Variants in TUBB6 observed in about 807,000 individuals in gnomAD.
The protein encoded by TUBB6 is tubulin beta-6 chain.
Under a neutral mutation model 32.3 loss-of-function variants are expected in TUBB6, and 18 were observed. The observed-to-expected ratio is 0.56, with a 90% CI of 0.39 to 0.83. The LOEUF (loss-of-function observed/expected upper bound fraction) is 0.83. Ranked by LOEUF, TUBB6 falls within the 40% of genes least tolerant of loss-of-function variation. The probability of loss-of-function intolerance (pLI) is 0.00; values close to 1 mark genes in which losing one functional copy is unlikely to be tolerated. For synonymous variants in TUBB6, 280 were observed against 265.8 expected (o/e 1.05, Z -0.52); for missense variants, 480 against 632.0 (o/e 0.76, Z 2.58).
intron 3 of TUBB6, among the ~76,000 whole-genome samples, chr18:12,317,127 G>A (rs1289128255): frequency 4.7e-5 from 7 of 149,914 alleles, no homozygotes; most frequent in African/African-American, 1.5e-4. Context: ...TTGCACTGCA[G>A]CCTGGGTGAT....
At position 12,308,776 on chromosome 18, in the gene TUBB6, C is replaced by G. The variant is rs193238414; in HGVS notation, c.147C>G (p.Val49=). The G allele has an allele frequency of 6.2e-7, 1 of 1,609,868 alleles. No homozygotes were observed. The highest frequency in any genetic ancestry group is 1.3e-5 in the African/African-American group (1 of 74,934). Residue 49 remains valine, a synonymous_variant, in exon 2 of 4, where the codon GTC becomes GTG. Coordinates refer to ENST00000317702, the MANE Select transcript of TUBB6 (RefSeq NM_032525.3). ...CGCTGCAGCTGGAGAGAATCAACGT[C>G]TACTACAATGAGTCATCGTGTGAGT... ...DSALQLERIN[V]YYNESSSQKY...
At chr18:12,322,922 CAGA>C (rs1230785593) in intron 3 of TUBB6, among the ~76,000 whole-genome samples, 2 of 152,030 alleles carry the variant, frequency 1.3e-5, no homozygotes, top group African/African-American at 2.4e-5. Flanking sequence ...ATACATTTAA[CAGA>C]AGAAGAGTTT....
chr18:12,316,712 A>G (rs1029699252), intron 3 of TUBB6, among the ~76,000 whole-genome samples: 1 of 152,226 alleles, frequency 6.6e-6, no homozygotes, highest in Non-Finnish European at 1.5e-5. Flanking sequence ...GTCGTTCTCC[A>G]GTAAAAGAGG....
chr18:12,325,132 G>A lies in TUBB6; in HGVS notation c.343G>A (p.Ala115Thr). The A allele has an allele frequency of 6.2e-7, 1 of 1,608,264 alleles. No homozygotes were observed. The highest frequency in any genetic ancestry group is 8.5e-7 in the Non-Finnish European group (1 of 1,176,082). ...HYTEGAELVD[A>T]VLDVVRKECE... The stretch of plus-strand genomic sequence containing the variant: ...CACGGAGGGCGCGGAGCTGGTGGAC[G>A]CAGTGCTGGACGTGGTGCGGAAGGA... The change falls in exon 4 of 4, where the codon GCA becomes ACA. Residue 115 changes from alanine (A) to threonine (T), a missense_variant. By Grantham distance (58) the Ala-to-Thr change is moderately conservative. Coordinates refer to ENST00000317702, the MANE Select transcript of TUBB6 (RefSeq NM_032525.3).
rs190064917 is a variant in TUBB6 at position 12,323,546 on chromosome 18, A to G, written c.278-1521A>G. Among the ~76,000 whole-genome samples, 1,213 of 152,242 alleles carry G rather than the reference A, an allele frequency of 8.0e-3. 17 individuals are homozygous for G. Among genetic ancestry groups the G allele is most frequent in the African/African-American group, 0.027 (1,141 of 41,524 alleles). ...TTATGGGGCTGGCCCGGTGGCTCACACCTGTAATCCCAGCACTTTGGGAGG... is the reference window on the plus strand; with the variant it reads ...TTATGGGGCTGGCCCGGTGGCTCACGCCTGTAATCCCAGCACTTTGGGAGG... On this transcript the variant is annotated intron_variant, in intron 3 of 3. Transcript: ENST00000317702.
chr18:12,310,812 C>A, intron 2 of TUBB6, 131 bp from the exon 3 acceptor site: 1 of 585,878 alleles, frequency 1.7e-6, no homozygotes. Context: ...TAAGAAAGTT[C>A]CTGTACCCTT....
At chr18:12,329,176 A>C (rs1158515268), downstream of TUBB6, 3 of 703,048 alleles carry the variant, frequency 4.3e-6, no homozygotes, top group Non-Finnish European at 7.8e-6. Flanking sequence ...GAGGAGAAAC[A>C]GGAATGAAGA....
downstream of TUBB6, chr18:12,329,352 T>C (rs1907438646): frequency 1.5e-5 from 10 of 672,090 alleles, no homozygotes; most frequent in Non-Finnish European, 2.4e-5. Flanking sequence ...TATGGGACAG[T>C]GTGCATTTCC....
intron 1 of TUBB6, 141 bp from the exon 2 acceptor site, chr18:12,308,546 C>T: frequency 2.6e-6 from 2 of 763,026 alleles, no homozygotes; most frequent in Non-Finnish European, 4.2e-6. Context: ...TCGCTCCCCA[C>T]CCCCATCCCA....
Position 12,325,924 on chromosome 18 carries a change from A to T in TUBB6, c.1135A>T (p.Lys379Ter), listed in dbSNP as rs370077707. ...CAGCACGGCCATCCAGGAGCTGTTC[A>T]AGCGCATCTCCGAGCAGTTCTCAGC... ...GNSTAIQELFKRISEQFSAMF... is the reference protein window; with the variant it reads ...GNSTAIQELF Residue 379 changes from lysine (K) to a stop codon, truncating the protein, a stop_gained, in exon 4 of 4, where the codon AAG becomes TAG. Transcript: ENST00000317702. LOFTEE classifies it high-confidence loss of function. 6.2e-7 allele frequency: 1 copy of T among 1,613,930 alleles called. No individual in the cohort carries two copies. Among genetic ancestry groups the T allele is most frequent in the Non-Finnish European group, 8.5e-7 (1 of 1,180,050 alleles).
At chr18:12,320,085 G>A (rs1038432067) in intron 3 of TUBB6, among the ~76,000 whole-genome samples, 1 of 151,674 alleles carries the variant, frequency 6.6e-6, no homozygotes, top group Non-Finnish European at 1.5e-5. Context: ...ACCGTGCCCA[G>A]CCAAAAAAAT....
intron 3 of TUBB6, among the ~76,000 whole-genome samples, chr18:12,312,703 G>T (rs1230625346): frequency 6.6e-6 from 1 of 151,978 alleles, no homozygotes; most frequent in Non-Finnish European, 1.5e-5. Context: ...TTTTAAAAAA[G>T]ATTAAAGTTT....
Position 12,325,055 on chromosome 18 carries a change from T to C in TUBB6, c.278-12T>C, listed in dbSNP as rs1464737219. Reference sequence around the variant, plus strand: ...TTCCTGTTTAAACGGCACGGGACTCTCTTTGTTGCAGGCCAGACGGGTGCA... The same window carrying C: ...TTCCTGTTTAAACGGCACGGGACTCCCTTTGTTGCAGGCCAGACGGGTGCA... On this transcript the variant is annotated splice_polypyrimidine_tract_variant and intron_variant, in intron 3 of 3. Transcript: ENST00000317702. 1.3e-6 allele frequency: 2 copies of C among 1,556,732 alleles called. No individual in the cohort carries two copies. Among genetic ancestry groups the C allele is most frequent in the African/African-American group, 1.4e-5 (1 of 73,890 alleles).
rs1475744508 is a variant in TUBB6, at chr18:12,326,153, C to T, written c.*23C>T. 5.6e-6 allele frequency: 9 copies of T among 1,593,596 alleles called. No homozygotes were observed. Among genetic ancestry groups the T allele is most frequent in the Admixed American group, 1.7e-5 (1 of 59,124 alleles). ...TAGTCGGAATAGAGCCGCCCCAACT[C>T]AGATCCTACAACACGCAAGTTCCTT... On this transcript the variant is annotated 3_prime_UTR_variant, in exon 4 of 4. Transcript: ENST00000317702.
downstream of TUBB6, among the ~76,000 whole-genome samples, chr18:12,327,009 C>T (rs112302076): frequency 6.2e-4 from 94 of 152,374 alleles, no homozygotes; most frequent in African/African-American, 2.1e-3. Flanking sequence ...CCACCGGCCA[C>T]ACCTTTGGAG....
downstream of TUBB6, among the ~76,000 whole-genome samples, chr18:12,326,956 TGG>T (rs1907358809): frequency 6.6e-6 from 1 of 152,072 alleles, no homozygotes; most frequent in Non-Finnish European, 1.5e-5. Flanking sequence ...ATGGAAGGGA[TGG>T]GCCCTTTTCT....
At chr18:12,329,687 C>G (rs777855072), downstream of TUBB6, 22 of 1,614,168 alleles carry the variant, frequency 1.4e-5, no homozygotes, top group Non-Finnish European at 1.8e-5. Context: ...TCCACAAATT[C>G]TTCATAGGTA....
intron 3 of TUBB6, among the ~76,000 whole-genome samples, chr18:12,319,086 G>A (rs989858203): frequency 2.6e-5 from 4 of 152,084 alleles, no homozygotes; most frequent in African/African-American, 7.2e-5. Context: ...GGGGATAACC[G>A]AGTGTGTAGA....
At chr18:12,308,581 AGGCGCGCCTGGAATTCGGCCGCC>A in intron 1 of TUBB6, 83 bp from the exon 2 acceptor site, 1 of 896,152 alleles carries the variant, frequency 1.1e-6, no homozygotes, top group Non-Finnish European at 1.7e-6. Context: ...CCGGCGGCTC[AGGCGCGCCTGGAATTCGGCCGCC>A]GGGGCGCCTG....
Sources: allele counts gnomAD v4.1 joint callset (sites outside exome capture counted in the v4.1 genomes callset), GRCh38; gene constraint gnomAD v4.1.1; transcripts MANE v1.5; gene names NCBI Gene and HGNC (gene_info 2026-07-23, HGNC 2026-07-21).